Variants in MYO5A observed in about 807,000 individuals in gnomAD.
MYO5A encodes unconventional myosin-Va.
In MYO5A, 98 loss-of-function variants were observed where a neutral mutation model predicts 249.7. The ratio of observed to expected loss-of-function variants is 0.39; its 90% CI spans 0.33 to 0.46. The LOEUF (loss-of-function observed/expected upper bound fraction) is 0.46, where lower values mean the gene tolerates loss of function less well. Among genes scored for constraint, MYO5A ranks in the 20% least tolerant of loss-of-function variants. MYO5A has a pLI of 0.98. For missense variants in MYO5A, 1,696 were observed against 2,308.8 expected (o/e 0.73, Z 5.44); for synonymous variants, 778 against 810.6 (o/e 0.96, Z 0.68).
At chr15:52,408,730 A>C (rs2043119218) in intron 6 of MYO5A, among the ~76,000 whole-genome samples, 1 of 152,222 alleles carries the variant, frequency 6.6e-6, no homozygotes, top group African/African-American at 2.4e-5. Context: ...CATATATCTA[A>C]AAAATACAGT....
chr15:52,377,002 T>C (rs1004016049), intron 18 of MYO5A, among the ~76,000 whole-genome samples: 4 of 152,084 alleles, frequency 2.6e-5, no homozygotes, highest in Non-Finnish European at 5.9e-5. Context: ...GTTTATGAAA[T>C]AAAATTCAAA....
At chr15:52,450,038 C>T (rs1393437014) in intron 1 of MYO5A, among the ~76,000 whole-genome samples, 1 of 152,022 alleles carries the variant, frequency 6.6e-6, no homozygotes, top group Non-Finnish European at 1.5e-5. Context: ...GGCTTTAGAG[C>T]AGGGCGTGGT....
At chr15:52,393,521 GT>G (rs1326377411) in intron 11 of MYO5A, among the ~76,000 whole-genome samples, 2 of 152,070 alleles carry the variant, frequency 1.3e-5, no homozygotes, top group Non-Finnish European at 2.9e-5. Flanking sequence ...AGCCTCCTGA[GT>G]AGCTGGGACT....
At chr15:52,369,044 C>T (rs1260296220) in intron 22 of MYO5A, among the ~76,000 whole-genome samples, 1 of 152,130 alleles carries the variant, frequency 6.6e-6, no homozygotes, top group African/African-American at 2.4e-5. Flanking sequence ...TGTATCAAAA[C>T]AACATTATAT....
At chr15:52,435,149 A>T (rs958066551) in intron 1 of MYO5A, among the ~76,000 whole-genome samples, 1 of 152,198 alleles carries the variant, frequency 6.6e-6, no homozygotes, top group Non-Finnish European at 1.5e-5. Flanking sequence ...CAGATAGGAG[A>T]AAGCGAAAAG....
chr15:52,393,916 T>G (rs554243620), intron 11 of MYO5A, among the ~76,000 whole-genome samples: 1 of 152,224 alleles, frequency 6.6e-6, no homozygotes, highest in African/African-American at 2.4e-5. Flanking sequence ...TTAATTTATA[T>G]GTAGTCTCAA....
At chr15:52,401,317 G>T (rs999966664) in intron 9 of MYO5A, among the ~76,000 whole-genome samples, 2 of 152,144 alleles carry the variant, frequency 1.3e-5, no homozygotes, top group African/African-American at 4.8e-5. Context: ...TGATCCACCC[G>T]CCTCAGCCTC....
In MYO5A at chr15:52,429,585, A is replaced by G. The variant is rs189890211; in HGVS notation, c.139-1016T>C. 1.9e-3 allele frequency among the ~76,000 whole-genome samples: 289 copies of G among 152,266 alleles called. 2 individuals are homozygous for G. The highest frequency in any genetic ancestry group is 6.6e-3 in the African/African-American group (276 of 41,556). On this transcript the variant is annotated intron_variant, in intron 2 of 41. Transcript: ENST00000399233. ...GCACCTGTAATTCCAAATACTCGGG[A>G]GGCTGAGCCAGGAGAATCACTTGAA...
At chr15:52,352,959 C>G (rs1447693210) in intron 27 of MYO5A, among the ~76,000 whole-genome samples, 1 of 152,146 alleles carries the variant, frequency 6.6e-6, no homozygotes, top group East Asian at 1.9e-4. Flanking sequence ...ATTTCTGTAA[C>G]AGAAGACACA....
rs746351024 is a variant in MYO5A at position 52,313,658 on chromosome 15, C to A, written c.*38G>T. 4.1e-5 allele frequency: 66 copies of A among 1,611,924 alleles called. No homozygotes were observed. The highest frequency in any genetic ancestry group is 5.6e-5 in the Non-Finnish European group (66 of 1,178,386). Reference sequence around the variant, plus strand: ...GGAAATAATGGGTTCTTATTTCGGGCAAGAAATGTATTGTCAATTTTTGCC... The same window carrying A: ...GGAAATAATGGGTTCTTATTTCGGGAAAGAAATGTATTGTCAATTTTTGCC... On this transcript the variant is annotated 3_prime_UTR_variant, in exon 42 of 42. Coordinates refer to ENST00000399233, the MANE Select transcript of MYO5A (RefSeq NM_001382347.1).
chr15:52,468,099 C>T (rs2076387085), intron 1 of MYO5A, among the ~76,000 whole-genome samples: 1 of 152,106 alleles, frequency 6.6e-6, no homozygotes, highest in Non-Finnish European at 1.5e-5. Flanking sequence ...TCTGTAATCC[C>T]AGCACTTTGA....
chr15:52,378,864 T>C (rs2041583925), intron 18 of MYO5A, among the ~76,000 whole-genome samples: 1 of 152,172 alleles, frequency 6.6e-6, no homozygotes, highest in Non-Finnish European at 1.5e-5. Context: ...ACCTACTGAA[T>C]CAGAAATTCT....
intron 1 of MYO5A, among the ~76,000 whole-genome samples, chr15:52,437,740 CTT>C (rs1207505554): frequency 1.3e-5 from 2 of 152,066 alleles, no homozygotes; most frequent in African/African-American, 4.8e-5. Context: ...CATGAGGAGA[CTT>C]TAAATCTAGA....
At chr15:52,528,282 C>G (rs370460859) in intron 1 of MYO5A, among the ~76,000 whole-genome samples, 1 of 152,186 alleles carries the variant, frequency 6.6e-6, no homozygotes, top group Admixed American at 6.5e-5. Context: ...AAAGGTGATA[C>G]GGCCACCGTT....
chr15:52,467,793 T>A (rs1471239432), intron 1 of MYO5A, among the ~76,000 whole-genome samples: 1 of 152,076 alleles, frequency 6.6e-6, no homozygotes, highest in Non-Finnish European at 1.5e-5. Flanking sequence ...CTTAGTTGCC[T>A]ATAAAGGAAA....
chr15:52,324,369 C>A (rs1166700169), intron 36 of MYO5A, among the ~76,000 whole-genome samples: 2 of 152,088 alleles, frequency 1.3e-5, no homozygotes, highest in East Asian at 3.8e-4. Context: ...GAATACTTCC[C>A]AGGGGCTTCA....
rs546424636 is a variant in MYO5A, at chr15:52,480,695, T to C, written c.28-47410A>G. Among the ~76,000 whole-genome samples, 11 of 152,328 alleles carry C rather than the reference T, an allele frequency of 7.2e-5. No homozygotes were observed. The South Asian group carries it at 1.9e-3, about 26-fold the overall frequency. On this transcript the variant is annotated intron_variant, in intron 1 of 41. Coordinates refer to ENST00000399233, the MANE Select transcript of MYO5A (RefSeq NM_001382347.1). ...TTGGTTTCCCACATTCTCTTTTCCT[T>C]GGCAGTGCTAGTTATCATTGGAGAG...
chr15:52,511,929 A>C lies in MYO5A; in HGVS notation c.27+16851T>G, dbSNP rs868247079. ...CTGTAATCCCAGCACTTTGGGAGAC[A>C]GAGGTGGGCAGATCATGAGGTCAGG... On this transcript the variant is annotated intron_variant, in intron 1 of 41. Coordinates refer to ENST00000399233, the MANE Select transcript of MYO5A (RefSeq NM_001382347.1). 8.4e-4 allele frequency among the ~76,000 whole-genome samples: 128 copies of C among 152,230 alleles called. No homozygotes were observed. The Middle Eastern group carries it at 0.02, about 24-fold the overall frequency.
chr15:52,408,931 C>T (rs754310413), intron 6 of MYO5A, among the ~76,000 whole-genome samples: 1 of 152,102 alleles, frequency 6.6e-6, no homozygotes, highest in Non-Finnish European at 1.5e-5. Context: ...ATACCAATGA[C>T]CACAAGCATG....
Sources: allele counts gnomAD v4.1 joint callset (sites outside exome capture counted in the v4.1 genomes callset), GRCh38; gene constraint gnomAD v4.1.1; transcripts MANE v1.5; gene names NCBI Gene and HGNC (gene_info 2026-07-23, HGNC 2026-07-21).